Variants in PELI2 observed in about 807,000 individuals in gnomAD.
The protein encoded by PELI2 is pellino E3 ubiquitin protein ligase family member 2.
In PELI2, 23 loss-of-function variants were observed where a neutral mutation model predicts 42.3. The observed-to-expected ratio is 0.54, with a 90% CI of 0.39 to 0.77. PELI2 has a LOEUF of 0.77. Among genes scored for constraint, PELI2 ranks in the 30% least tolerant of loss-of-function variants. PELI2 has a pLI of 0.00. For synonymous variants in PELI2, 245 were observed against 212.2 expected (o/e 1.15, Z -1.34); for missense variants, 463 against 553.2 (o/e 0.84, Z 1.64).
chr14:56,165,165 C>A (rs1884909693), intron 1 of PELI2, among the ~76,000 whole-genome samples: 1 of 152,018 alleles, frequency 6.6e-6, no homozygotes, highest in Non-Finnish European at 1.5e-5. Context: ...CCATTAACAG[C>A]TATAAACTTC....
chr14:56,280,375 A>T (rs1889440139), intron 3 of PELI2, among the ~76,000 whole-genome samples: 1 of 152,094 alleles, frequency 6.6e-6, no homozygotes, highest in Admixed American at 6.6e-5. Context: ...AGCACATCAA[A>T]AGAGCAGAAG....
intron 1 of PELI2, among the ~76,000 whole-genome samples, chr14:56,152,613 C>T (rs1224921150): frequency 6.6e-6 from 1 of 152,036 alleles, no homozygotes; most frequent in Non-Finnish European, 1.5e-5. Flanking sequence ...TTTAGACCTC[C>T]CTTGGGTCAG....
chr14:56,276,027 C>G (rs1013047947), intron 2 of PELI2, among the ~76,000 whole-genome samples: 1 of 152,162 alleles, frequency 6.6e-6, no homozygotes, highest in Admixed American at 6.5e-5. Flanking sequence ...ATGATTGGCT[C>G]AAGTCAGTGA....
rs576181173 is a variant in PELI2 at position 56,273,940 on chromosome 14, T to C, written c.208-5736T>C. On this transcript the variant is annotated intron_variant, in intron 2 of 5. Transcript: ENST00000267460. The surrounding 1 kb of genome is among the most constrained non-coding windows in gnomAD (Gnocchi z 4.3). The stretch of plus-strand genomic sequence containing the variant: ...GATGTCAGGGCTCTGAGCCAACTTC[T>C]GTGAGAGTCTTTTGACCTTCCTCTC... Among the ~76,000 whole-genome samples, 16 of 152,246 alleles carry C rather than the reference T, an allele frequency of 1.1e-4. No individual in the cohort carries two copies. The highest frequency in any genetic ancestry group is 3.6e-4 in the African/African-American group (15 of 41,472).
intron 2 of PELI2, among the ~76,000 whole-genome samples, chr14:56,209,147 G>C (rs1886624208): frequency 6.6e-6 from 1 of 152,182 alleles, no homozygotes; most frequent in Non-Finnish European, 1.5e-5. Flanking sequence ...TTACAGAGTA[G>C]TACATAGTTA....
Position 56,279,748 on chromosome 14 carries a change from A to T in PELI2, c.280A>T (p.Thr94Ser). The stretch of plus-strand genomic sequence containing the variant: ...GAATCAGACTGTGGTGGTGGAGTAC[A>T]CACATGATAAGGATACGGATATGTT... Reference protein sequence around the residue: ...SRNQTVVVEYTHDKDTDMFQV... With the variant: ...SRNQTVVVEYSHDKDTDMFQV... The change falls in exon 3 of 6, where the codon ACA becomes TCA. Residue 94 changes from threonine (T) to serine (S), a missense_variant. Thr to Ser is a moderately conservative substitution (Grantham distance 58). This residue lies in a region of PELI2 where 343 missense variants were observed against 378.4 expected (regional missense o/e 0.91). Transcript: ENST00000267460. 1.3e-6 allele frequency: 2 copies of T among 1,592,524 alleles called. No individual in the cohort carries two copies. Among genetic ancestry groups the T allele is most frequent in the Non-Finnish European group, 1.7e-6 (2 of 1,160,912 alleles).
At chr14:56,287,299 AT>A (rs1222617656) in intron 3 of PELI2, among the ~76,000 whole-genome samples, 1 of 152,212 alleles carries the variant, frequency 6.6e-6, no homozygotes, top group African/African-American at 2.4e-5. Flanking sequence ...TTTCGCCTTT[AT>A]ACTTTTCTCC....
intron 2 of PELI2, among the ~76,000 whole-genome samples, chr14:56,241,822 C>T (rs1193796682): frequency 6.6e-6 from 1 of 152,154 alleles, no homozygotes; most frequent in African/African-American, 2.4e-5. Context: ...CAGCCTGGTT[C>T]TGTACTTAGC....
intron 3 of PELI2, among the ~76,000 whole-genome samples, chr14:56,286,911 C>T (rs1448629381): frequency 1.3e-5 from 2 of 152,114 alleles, no homozygotes; most frequent in African/African-American, 4.8e-5. Context: ...AATCATTGAT[C>T]CTAGCAGGCT....
At chr14:56,287,190 A>G (rs1889672772) in intron 3 of PELI2, among the ~76,000 whole-genome samples, 1 of 152,198 alleles carries the variant, frequency 6.6e-6, no homozygotes, top group South Asian at 2.1e-4. Context: ...GTTTGGTGAG[A>G]TGACTGGGAA....
intron 1 of PELI2, among the ~76,000 whole-genome samples, chr14:56,138,104 C>G (rs897938407): frequency 6.6e-6 from 1 of 152,242 alleles, no homozygotes. Context: ...CCAGCCCGCT[C>G]TCGCTGCACC....
intron 2 of PELI2, among the ~76,000 whole-genome samples, chr14:56,205,703 G>A (rs1206957078): frequency 6.6e-6 from 1 of 152,194 alleles, no homozygotes; most frequent in Non-Finnish European, 1.5e-5. Flanking sequence ...AGACTTGGAT[G>A]CCCCTTTCAA....
intron 1 of PELI2, among the ~76,000 whole-genome samples, chr14:56,151,901 T>G (rs1244707912): frequency 2.0e-5 from 3 of 152,212 alleles, no homozygotes; most frequent in Admixed American, 2.0e-4. Context: ...TGAAATTTAG[T>G]AGATGTTTCC....
At chr14:56,239,185 T>C (rs954963412) in intron 2 of PELI2, among the ~76,000 whole-genome samples, 1 of 152,246 alleles carries the variant, frequency 6.6e-6, no homozygotes, top group Non-Finnish European at 1.5e-5. Context: ...ACAAATGATA[T>C]TTATTGCCTG....
intron 3 of PELI2, among the ~76,000 whole-genome samples, chr14:56,281,612 A>C (rs975396172): frequency 5.9e-5 from 9 of 152,138 alleles, no homozygotes; most frequent in Admixed American, 3.3e-4. Flanking sequence ...CCTCAGACTG[A>C]TAAGAAGAGC....
chr14:56,162,888 G>A (rs1373956818), intron 1 of PELI2, among the ~76,000 whole-genome samples: 2 of 151,924 alleles, frequency 1.3e-5, no homozygotes, highest in East Asian at 3.8e-4. Context: ...TTTGTCATTT[G>A]TATGTCTTTC....
intron 1 of PELI2, among the ~76,000 whole-genome samples, chr14:56,146,366 C>A (rs774458182): frequency 3.4e-4 from 52 of 152,198 alleles, no homozygotes; most frequent in Non-Finnish European, 2.9e-5. Flanking sequence ...AAATAGTCTT[C>A]TTTACATATT....
At chr14:56,162,157 A>T (rs1884789050) in intron 1 of PELI2, among the ~76,000 whole-genome samples, 1 of 152,232 alleles carries the variant, frequency 6.6e-6, no homozygotes, top group Non-Finnish European at 1.5e-5. Flanking sequence ...AAAATGTACA[A>T]CTAAGTTATT....
chr14:56,129,190 C>T (rs747558064), intron 1 of PELI2, among the ~76,000 whole-genome samples: 1 of 152,222 alleles, frequency 6.6e-6, no homozygotes, highest in Non-Finnish European at 1.5e-5. Flanking sequence ...CAGGCAGTGT[C>T]AGCCTTCTGA....
Sources: allele counts gnomAD v4.1 joint callset (sites outside exome capture counted in the v4.1 genomes callset), GRCh38; gene constraint gnomAD v4.1.1; regional missense constraint gnomAD v4.1.1; non-coding constraint Gnocchi (gnomAD v3.1); transcripts MANE v1.5; gene names NCBI Gene and HGNC (gene_info 2026-07-23, HGNC 2026-07-21).